Variants in LARP1 observed in about 807,000 individuals in gnomAD.
LARP1 encodes the protein la-related protein 1.
A neutral mutation model predicts 122.7 loss-of-function variants in LARP1; 36 were observed. The observed-to-expected ratio is 0.29, with a 90% CI of 0.22 to 0.39. The LOEUF (loss-of-function observed/expected upper bound fraction) is 0.39, where lower values mean the gene tolerates loss of function less well. LARP1 is among the 10% of genes least tolerant of loss of function. The probability of loss-of-function intolerance (pLI) is 1.00; values close to 1 mark genes in which losing one functional copy is unlikely to be tolerated. For missense variants in LARP1, 1,040 were observed against 1,403.6 expected (o/e 0.74, Z 4.14); for synonymous variants, 539 against 528.7 (o/e 1.02, Z -0.27).
chr5:154,689,780 A>G (rs919695473), intron 1 of LARP1, among the ~76,000 whole-genome samples: 31 of 152,340 alleles, frequency 2.0e-4, no homozygotes, highest in African/African-American at 6.3e-4. Context: ...TTGAGACTCA[A>G]AAATGGAGTG....
At chr5:154,779,499 TTC>T (rs1281737332) in intron 1 of LARP1, among the ~76,000 whole-genome samples, 11 of 149,020 alleles carry the variant, frequency 7.4e-5, no homozygotes, top group Admixed American at 1.4e-4. Context: ...CCCCTCTACA[TTC>T]TCTCTTTTTT....
At chr5:154,748,446 G>A (rs539983579) in intron 1 of LARP1, among the ~76,000 whole-genome samples, 1 of 152,250 alleles carries the variant, frequency 6.6e-6, no homozygotes, top group South Asian at 2.1e-4. Context: ...CCATAACTGA[G>A]TAGAGAAAAT....
At chr5:154,800,093 G>A (rs1758222483) in intron 10 of LARP1, 51 bp downstream of exon 10, 2 of 1,550,432 alleles carry the variant, frequency 1.3e-6, no homozygotes, top group Non-Finnish European at 1.8e-6. Context: ...GAGCTAGGGT[G>A]CTTGAAGGGG....
chr5:154,762,416 A>G (rs555251056), intron 1 of LARP1, among the ~76,000 whole-genome samples: 1 of 152,352 alleles, frequency 6.6e-6, no homozygotes, highest in African/African-American at 2.4e-5. Context: ...TGAATTTTCA[A>G]CAAGGGCTAT....
chr5:154,811,964 A>T (rs1378903322), intron 18 of LARP1, among the ~76,000 whole-genome samples: 1 of 152,212 alleles, frequency 6.6e-6, no homozygotes, highest in Non-Finnish European at 1.5e-5. Context: ...CAAGATACAC[A>T]CATTTGTTCT....
At chr5:154,704,121 A>G (rs907360160) in intron 1 of LARP1, among the ~76,000 whole-genome samples, 2 of 152,172 alleles carry the variant, frequency 1.3e-5, no homozygotes, top group African/African-American at 4.8e-5. Context: ...CCCATTTCCC[A>G]TTTACCCCCA....
intron 1 of LARP1, among the ~76,000 whole-genome samples, chr5:154,705,274 G>C (rs1754897194): frequency 6.6e-6 from 1 of 152,136 alleles, no homozygotes; most frequent in Non-Finnish European, 1.5e-5. Flanking sequence ...AGTCAGAATG[G>C]CTGTTATTAA....
intron 1 of LARP1, among the ~76,000 whole-genome samples, chr5:154,763,124 G>A (rs534362522): frequency 6.8e-6 from 1 of 148,080 alleles, no homozygotes; most frequent in East Asian, 2.0e-4. Flanking sequence ...TGCAGTGCAC[G>A]ATCTCAGCTC....
Position 154,756,098 on chromosome 5 carries a change from G to A in LARP1, c.341G>A (p.Arg114Gln). Residue 114 changes from arginine (R) to glutamine (Q), a missense_variant, in exon 1 of 19, where the codon CGG (arginine) becomes CAG (glutamine). Physicochemically the swap from Arg to Gln is conservative, Grantham distance 43. Coordinates refer to ENST00000518297, the MANE Select transcript of LARP1 (RefSeq NM_033551.3). ...GAAGAAGAGR[R>Q]DFVEAPPPKV... ...GCCGGAGCCGCGGGCGCGGGGCGCC[G>A]GGACTTCGTGGAAGCCCCCCCGCCC... 1.7e-6 allele frequency: 2 copies of A among 1,195,780 alleles called. No homozygotes were observed. Among genetic ancestry groups the A allele is most frequent in the Non-Finnish European group, 2.1e-6 (2 of 942,104 alleles). The allele number at this position is 1,195,780 out of a possible 1,614,324, so 74.1% of individuals were successfully genotyped here. A position where few individuals can be genotyped will look rare whatever the true frequency, so the allele number is the denominator to read the frequency against.
Position 154,799,604 on chromosome 5 carries a change from G to A in LARP1, c.1391G>A (p.Ser464Asn). 1.2e-6 allele frequency: 2 copies of A among 1,614,166 alleles called. No individual in the cohort carries two copies. Among genetic ancestry groups the A allele is most frequent in the Non-Finnish European group, 8.5e-7 (1 of 1,180,028 alleles). The change falls in exon 9 of 19, where the codon AGC becomes AAC. Residue 464 changes from serine to asparagine, a missense_variant. Physicochemically the swap from Ser to Asn is conservative, Grantham distance 46. Transcript: ENST00000518297. Reference protein sequence around the residue: ...ISLIFAALKDSKVVEIVDEKV... With the variant: ...ISLIFAALKDNKVVEIVDEKV... ...CCTCCCCTTCAGGCCCTAAAGGACA[G>A]CAAGGTGGTGGAGATCGTTGATGAG... is the stretch of plus-strand genomic sequence containing the variant.
intron 8 of LARP1, among the ~76,000 whole-genome samples, chr5:154,797,769 G>T (rs1404320882): frequency 1.3e-5 from 2 of 151,038 alleles, no homozygotes; most frequent in Non-Finnish European, 2.9e-5. Context: ...GCTTACTGCA[G>T]CCTCAACCGC....
chr5:154,767,964 A>C (rs1221844016), intron 1 of LARP1, among the ~76,000 whole-genome samples: 1 of 152,204 alleles, frequency 6.6e-6, no homozygotes, highest in Non-Finnish European at 1.5e-5. Flanking sequence ...TCTATGAAGA[A>C]GGAATGGTTG....
intron 10 of LARP1, among the ~76,000 whole-genome samples, chr5:154,801,604 G>A (rs866878194): frequency 2.6e-5 from 4 of 152,248 alleles, no homozygotes; most frequent in Admixed American, 2.0e-4. Flanking sequence ...CAAGGCAGCT[G>A]TGGATCATGG....
At position 154,811,572 on chromosome 5, in the gene LARP1, T is replaced by G. The variant is rs1295716070; in HGVS notation, c.3013T>G (p.Leu1005Val). The G allele has an allele frequency of 1.2e-6, 2 of 1,614,156 alleles. No homozygotes were observed. Among genetic ancestry groups the G allele is most frequent in the African/African-American group, 1.3e-5 (1 of 75,024 alleles). ...CTTGAAATATTCCAAAGCCAAAAAT[T>G]TGGACATTGACCCCAAACTGCAAGA... ...AFLKYSKAKN[L>V]DIDPKLQEYL... The change falls in exon 18 of 19, where the codon TTG becomes GTG. Residue 1005 changes from leucine (L) to valine (V), a missense_variant. By Grantham distance (32) the Leu-to-Val change is conservative. Coordinates refer to ENST00000518297, the MANE Select transcript of LARP1 (RefSeq NM_033551.3).
chr5:154,757,635 G>A (rs1440811098), intron 1 of LARP1, among the ~76,000 whole-genome samples: 2 of 152,152 alleles, frequency 1.3e-5, no homozygotes, highest in African/African-American at 4.8e-5. Context: ...CACCGTCAAA[G>A]GAGTAGAAGC....
At chr5:154,766,445 C>T (rs1754958776) in intron 1 of LARP1, among the ~76,000 whole-genome samples, 1 of 152,200 alleles carries the variant, frequency 6.6e-6, no homozygotes, top group African/African-American at 2.4e-5. Context: ...TAACTGTCAT[C>T]ACTTAGGGGT....
chr5:154,769,318 G>C (rs1425182048), intron 1 of LARP1, among the ~76,000 whole-genome samples: 2 of 152,208 alleles, frequency 1.3e-5, no homozygotes, highest in African/African-American at 4.8e-5. Context: ...AGGCCCTTGA[G>C]TTTGCCATCT....
chr5:154,709,151 C>A (rs1755094923), upstream of LARP1, among the ~76,000 whole-genome samples: 1 of 152,184 alleles, frequency 6.6e-6, no homozygotes. Flanking sequence ...CCCAAAAGTT[C>A]ATGACAAATG....
At chr5:154,732,737 A>G (rs1756661989) in intron 1 of LARP1, among the ~76,000 whole-genome samples, 1 of 151,002 alleles carries the variant, frequency 6.6e-6, no homozygotes, top group African/African-American at 2.5e-5. Flanking sequence ...ATCTTTTAAA[A>G]CAATAGACCT....
Sources: allele counts gnomAD v4.1 joint callset (sites outside exome capture counted in the v4.1 genomes callset), GRCh38; gene constraint gnomAD v4.1.1; transcripts MANE v1.5; gene names NCBI Gene and HGNC (gene_info 2026-07-23, HGNC 2026-07-21).